The following ZNF544 variants were observed in gnomAD, a reference collection of about 807,000 sequenced individuals.
ZNF544 encodes the protein zinc finger protein AF020591.
A neutral mutation model predicts 13.5 loss-of-function variants in ZNF544; 10 were observed. The observed-to-expected ratio is 0.74, with a 90% CI of 0.46 to 1.25. The LOEUF is 1.25. Ranked by LOEUF, ZNF544 falls within the 50% of genes most tolerant of loss-of-function variation. ZNF544 has a pLI of 0.00. For synonymous variants in ZNF544, 323 were observed against 300.5 expected (o/e 1.07, Z -0.77); for missense variants, 896 against 845.6 (o/e 1.06, Z -0.74).
At position 58,262,784 on chromosome 19, in the gene ZNF544, C is replaced by G. The variant is rs1411009131; in HGVS notation, c.*30C>G. 2 of 1,563,502 alleles carry G rather than the reference C, an allele frequency of 1.3e-6. No homozygotes were observed. The highest frequency in any genetic ancestry group is 1.7e-6 in the Non-Finnish European group (2 of 1,153,488). On this transcript the variant is annotated 3_prime_UTR_variant, in exon 7 of 7. Coordinates refer to ENST00000687789, the MANE Select transcript of ZNF544 (RefSeq NM_014480.4). ...GCAGTCATTGTGGGAAAGCTTTCAT[C>G]CAGAGGTCTCCCCTCATCATGCACC...
chr19:58,235,096 C>T (rs2042104445), intron 3 of ZNF544, among the ~76,000 whole-genome samples: 1 of 152,176 alleles, frequency 6.6e-6, no homozygotes, highest in African/African-American at 2.4e-5. Context: ...CGTTAGGTGA[C>T]TTTGTTGTGT....
At chr19:58,249,117 G>C (rs1331370438) in intron 6 of ZNF544, among the ~76,000 whole-genome samples, 1 of 152,124 alleles carries the variant, frequency 6.6e-6, no homozygotes, top group Non-Finnish European at 1.5e-5. Context: ...GTTATTTGGG[G>C]CATGGAAAGT....
Position 58,262,120 on chromosome 19 carries a change from A to G in ZNF544, c.1514A>G (p.Tyr505Cys). The stretch of plus-strand genomic sequence containing the variant: ...TGTGGGAAATCTTTCAGCCAGAAGT[A>G]TGACCTTGTTGTACATCAGAGGACA... ...TQCGKSFSQK[Y>C]DLVVHQRTHT... is the part of the protein sequence containing the mutation. Residue 505 changes from tyrosine (Y) to cysteine (C), a missense_variant, in exon 7 of 7, where the codon TAT (tyrosine) becomes TGT (cysteine). Transcript: ENST00000687789. The G allele has an allele frequency of 6.2e-7, 1 of 1,612,048 alleles. No individual in the cohort carries two copies. The highest frequency in any genetic ancestry group is 1.7e-5 in the Admixed American group (1 of 59,746).
intron 6 of ZNF544, among the ~76,000 whole-genome samples, chr19:58,249,082 G>A (rs2045881207): frequency 6.6e-6 from 1 of 152,164 alleles, no homozygotes; most frequent in Non-Finnish European, 1.5e-5. Context: ...CGACACAGAA[G>A]GCGGGGGTTG....
chr19:58,253,855 A>G (rs1021348575), intron 6 of ZNF544, among the ~76,000 whole-genome samples: 1 of 152,232 alleles, frequency 6.6e-6, no homozygotes, highest in African/African-American at 2.4e-5. Context: ...ATATCTTGCA[A>G]AGACAAATAT....
chr19:58,263,544 G>A lies in ZNF544; in HGVS notation c.*790G>A. ...GCCAAAACATGACTCTCAGAGTGGG[G>A]CTTCATGACCATGTGCATCAGAATT... is the stretch of plus-strand genomic sequence containing the variant. On this transcript the variant is annotated 3_prime_UTR_variant, in exon 7 of 7. Transcript: ENST00000687789. 1.0e-6 allele frequency: 1 copy of A among 985,458 alleles called. No individual in the cohort carries two copies. Among genetic ancestry groups the A allele is most frequent in the Non-Finnish European group, 1.2e-6 (1 of 829,944 alleles). 61.0% of individuals were successfully genotyped at this position (985,458 alleles called of 1,614,324 possible).
rs980898670 is a variant in ZNF544, at chr19:58,237,651, G to A, written c.-59-6314G>A. 2.0e-5 allele frequency among the ~76,000 whole-genome samples: 3 copies of A among 152,264 alleles called. No homozygotes were observed. The East Asian group carries it at 5.8e-4, about 29-fold the overall frequency. The stretch of plus-strand genomic sequence containing the variant: ...TGCTTTTTTTCCCCACTCATCCATG[G>A]AGACTTCCAAGCTGCTTTTTATCTT... On this transcript the variant is annotated intron_variant, in intron 3 of 6. Coordinates refer to ENST00000687789, the MANE Select transcript of ZNF544 (RefSeq NM_014480.4).
intron 6 of ZNF544, among the ~76,000 whole-genome samples, chr19:58,253,386 G>T (rs1309381850): frequency 1.3e-5 from 2 of 152,092 alleles, no homozygotes; most frequent in African/African-American, 2.4e-5. Flanking sequence ...AAATACACAG[G>T]TATTTTTGCC....
chr19:58,233,189 C>T (rs1297242180), intron 3 of ZNF544, among the ~76,000 whole-genome samples: 1 of 152,002 alleles, frequency 6.6e-6, no homozygotes, highest in Non-Finnish European at 1.5e-5. Context: ...AAGACCTGCC[C>T]CCATGACTCA....
intron 3 of ZNF544, among the ~76,000 whole-genome samples, chr19:58,238,579 A>G (rs993191592): frequency 1.3e-5 from 2 of 152,132 alleles, no homozygotes; most frequent in African/African-American, 4.8e-5. Flanking sequence ...ACGTGTGAGC[A>G]TCGATGTCAC....
rs537607717 is a variant in ZNF544 at position 58,262,581 on chromosome 19, C to A, written c.1975C>A (p.Pro659Thr). 5.6e-6 allele frequency: 9 copies of A among 1,614,180 alleles called. No individual in the cohort carries two copies. The highest frequency in any genetic ancestry group is 5.3e-5 in the African/African-American group (4 of 75,050). Residue 659 changes from proline to threonine, a missense_variant, in exon 7 of 7, where the codon CCT (proline) becomes ACT (threonine). Pro to Thr is a conservative substitution (Grantham distance 38). Coordinates refer to ENST00000687789, the MANE Select transcript of ZNF544 (RefSeq NM_014480.4). Reference sequence around the variant, plus strand: ...TCAGAGAACTCACACTGGTGAGAAACCTTTTGAGTGTAGTCAGTGTGGGAA... The same window carrying A: ...TCAGAGAACTCACACTGGTGAGAAAACTTTTGAGTGTAGTCAGTGTGGGAA... ...MHQRTHTGEK[P>T]FECSQCGKAF...
At chr19:58,267,065 T>A (rs2050009093), downstream of ZNF544, 2 of 152,152 alleles carry the variant, frequency 1.3e-5, no homozygotes. Flanking sequence ...AGGAACCAAA[T>A]ATTCTTTGTT....
rs260462 is a variant in ZNF544 at position 58,262,705 on chromosome 19, A to G, written c.2099A>G (p.Gln700Arg). ...GACTGTGGGAAATCCTTCCGGCAGC[A>G]ATCTCAACTTGTAGTGCATCGGCGG... ...CSDCGKSFRQ[Q>R]SQLVVHRRTH... Residue 700 changes from glutamine to arginine, a missense_variant, in exon 7 of 7, where the codon CAA (glutamine) becomes CGA (arginine). Physicochemically the swap from Gln to Arg is conservative, Grantham distance 43. Transcript: ENST00000687789. The G allele has an allele frequency of 0.56, 903,596 of 1,611,180 alleles. 255,112 individuals carry two copies. Among genetic ancestry groups the G allele is most frequent in the Middle Eastern group, 0.68 (4,082 of 6,040 alleles).
At chr19:58,244,281 T>C (rs943479573) in intron 4 of ZNF544, among the ~76,000 whole-genome samples, 1 of 151,922 alleles carries the variant, frequency 6.6e-6, no homozygotes, top group African/African-American at 2.4e-5. Flanking sequence ...CTCCCATGCC[T>C]GTTCCACCAG....
intron 6 of ZNF544, among the ~76,000 whole-genome samples, chr19:58,256,169 A>T (rs1268839259): frequency 6.6e-6 from 1 of 152,226 alleles, no homozygotes; most frequent in Non-Finnish European, 1.5e-5. Context: ...AAAAGGGAAA[A>T]CAAAAAGAGA....
intron 5 of ZNF544, among the ~76,000 whole-genome samples, chr19:58,272,407 A>C (rs969839280): frequency 2.6e-5 from 4 of 151,982 alleles, no homozygotes; most frequent in Non-Finnish European, 5.9e-5. Flanking sequence ...GCAAGAAATA[A>C]AAAACCAGGT....
chr19:58,252,821 T>C (rs1204528499), intron 6 of ZNF544, among the ~76,000 whole-genome samples: 1 of 152,214 alleles, frequency 6.6e-6, no homozygotes, highest in Non-Finnish European at 1.5e-5. Context: ...TTTATTTACT[T>C]ATTATCATTA....
intron 5 of ZNF544, among the ~76,000 whole-genome samples, chr19:58,273,622 G>A (rs1211078085): frequency 6.6e-6 from 1 of 151,188 alleles, no homozygotes; most frequent in African/African-American, 2.4e-5. Flanking sequence ...CCCGGGAGGT[G>A]GAGATTGCAG....
chr19:58,266,437 C>T (rs2049907392), downstream of ZNF544, among the ~76,000 whole-genome samples: 1 of 145,398 alleles, frequency 6.9e-6, no homozygotes, highest in Non-Finnish European at 1.5e-5. Flanking sequence ...ATGGCATGAA[C>T]CCAGGAGGCA....
Sources: allele counts gnomAD v4.1 joint callset (sites outside exome capture counted in the v4.1 genomes callset), GRCh38; gene constraint gnomAD v4.1.1; transcripts MANE v1.5; gene names NCBI Gene and HGNC (gene_info 2026-07-23, HGNC 2026-07-21).